Variants in TCERG1 observed in about 807,000 individuals in gnomAD.
TCERG1 encodes the protein TATA box binding protein (TBP)-associated factor, RNA polymerase II, S, 150kD.
A neutral mutation model predicts 144.7 loss-of-function variants in TCERG1; 37 were observed. The observed-to-expected ratio is 0.26, with a 90% CI of 0.20 to 0.34. TCERG1 has a LOEUF of 0.34. TCERG1 is among the 10% of genes least tolerant of loss of function. The pLI is 1.00. For synonymous variants in TCERG1, 492 were observed against 458.2 expected (o/e 1.07, Z -0.94); for missense variants, 1,027 against 1,380.7 (o/e 0.74, Z 4.06).
chr5:146,469,556 G>T lies in TCERG1; in HGVS notation c.1211G>T (p.Gly404Val). The T allele has an allele frequency of 1.2e-6, 2 of 1,600,172 alleles. No homozygotes were observed. Among genetic ancestry groups the T allele is most frequent in the Non-Finnish European group, 8.5e-7 (1 of 1,174,958 alleles). ...VATTKTGVLP[G>V]MAPPIVPMIH... is the part of the protein sequence containing the mutation. ...ATTCTTTTTTTAGGTGTATTGCCAG[G>T]AATGGCCCCTCCTATCGTACCCATG... is the stretch of plus-strand genomic sequence containing the variant. Residue 404 changes from glycine (G) to valine (V), a missense_variant, in exon 7 of 23, where the codon GGA becomes GTA. Gly to Val is a moderately radical substitution (Grantham distance 109). Transcript: ENST00000679501.
At chr5:146,470,901 T>TA (rs1407929764) in intron 8 of TCERG1, among the ~76,000 whole-genome samples, 153 bp downstream of exon 8, 1 of 152,022 alleles carries the variant, frequency 6.6e-6, no homozygotes, top group Non-Finnish European at 1.5e-5. Context: ...ATTCAGTTTT[T>TA]TCTTTGAAAG....
At chr5:146,509,012 T>C in intron 21 of TCERG1, 133 bp from the exon 22 acceptor site, 1 of 510,346 alleles carries the variant, frequency 2.0e-6, no homozygotes, top group Non-Finnish European at 3.5e-6. Flanking sequence ...AAATGTACCC[T>C]GTTGCCTTTT....
intron 1 of TCERG1, among the ~76,000 whole-genome samples, chr5:146,454,474 C>CT (rs147070078): frequency 0.064 from 9,677 of 151,614 alleles, 428 homozygotes; most frequent in Non-Finnish European, 0.085. Context: ...TGGGTAAATA[C>CT]TTTAAGACCA....
chr5:146,454,037 C>CAAAAAAAA (rs56657111), intron 1 of TCERG1, among the ~76,000 whole-genome samples: 5 of 129,842 alleles, frequency 3.9e-5, no homozygotes, highest in African/African-American at 6.1e-5. Context: ...TACTCAAATA[C>CAAAAAAAA]AAAAAAAAAA....
At chr5:146,478,822 T>C (rs1195090384) in intron 10 of TCERG1, among the ~76,000 whole-genome samples, 169 bp downstream of exon 10, 1 of 152,164 alleles carries the variant, frequency 6.6e-6, no homozygotes, top group African/African-American at 2.4e-5. Context: ...ATTAAAAATA[T>C]GGAGAGAATT....
At chr5:146,449,971 C>T (rs1418567100) in intron 1 of TCERG1, among the ~76,000 whole-genome samples, 2 of 152,174 alleles carry the variant, frequency 1.3e-5, no homozygotes, top group African/African-American at 4.8e-5. Flanking sequence ...ATCATTTCCT[C>T]TGTAAAAATG....
chr5:146,454,207 A>AAAAAG (rs58688212), intron 1 of TCERG1, among the ~76,000 whole-genome samples: 30,376 of 149,532 alleles, frequency 0.2, 4,319 homozygotes, highest in East Asian at 0.83. Context: ...CTCAAAAAAA[A>AAAAAG]AAAAGAAAAG....
At chr5:146,506,754 A>C (rs1043464589) in intron 19 of TCERG1, among the ~76,000 whole-genome samples, 5 of 152,130 alleles carry the variant, frequency 3.3e-5, no homozygotes, top group African/African-American at 1.2e-4. Context: ...GAGACTATGC[A>C]GTATTTGTGT....
At position 146,503,350 on chromosome 5, in the gene TCERG1, TCCCAC is replaced by T. The variant is rs1767655823; in HGVS notation, c.2434-24_2434-20del. 6.2e-7 allele frequency: 1 copy of T among 1,603,500 alleles called. No individual in the cohort carries two copies. Among genetic ancestry groups the T allele is most frequent in the Admixed American group, 1.7e-5 (1 of 59,232 alleles). ...TCATGGTACATTATTTTCCCTCCCA[TCCCAC>T]TACCTGTTTTAAAATACAGATTAAA... On this transcript the variant is annotated intron_variant, in intron 17 of 22. Coordinates refer to ENST00000679501, the MANE Select transcript of TCERG1 (RefSeq NM_001382548.1).
At chr5:146,456,638 T>C (rs189430280) in intron 2 of TCERG1, among the ~76,000 whole-genome samples, 4 of 152,328 alleles carry the variant, frequency 2.6e-5, no homozygotes, top group Non-Finnish European at 5.9e-5. Flanking sequence ...CTTCACACTA[T>C]TAGCATAGTT....
At chr5:146,482,872 C>A in intron 14 of TCERG1, 145 bp downstream of exon 14, 1 of 1,151,714 alleles carries the variant, frequency 8.7e-7, no homozygotes, top group Non-Finnish European at 1.2e-6. Flanking sequence ...TTTTTTGCAA[C>A]AGCCTTTTTC....
chr5:146,463,581 C>G lies in TCERG1; in HGVS notation c.923C>G (p.Ser308Cys). Residue 308 changes from serine to cysteine, a missense_variant, in exon 5 of 23, where the codon TCT (serine) becomes TGT (cysteine). Ser to Cys is a moderately radical substitution (Grantham distance 112). This residue lies in a region of TCERG1 where 187 missense variants were observed against 169.1 expected (regional missense o/e 1.11). Coordinates refer to ENST00000679501, the MANE Select transcript of TCERG1 (RefSeq NM_001382548.1). ...ACAACACAAGATCAGACCCCAAGTT[C>G]TGCTGTTTCAGTTGCCACGCCTACA... The part of the protein sequence containing the change: ...TPTTQDQTPS[S>C]AVSVATPTVS... 1 of 1,614,184 alleles carries G rather than the reference C, an allele frequency of 6.2e-7. No homozygotes were observed. The highest frequency in any genetic ancestry group is 8.5e-7 in the Non-Finnish European group (1 of 1,180,022).
rs921731235 is a variant in TCERG1 at position 146,469,652 on chromosome 5, C to T, written c.1307C>T (p.Thr436Ile). The change falls in exon 7 of 23, where the codon ACT (threonine) becomes ATT (isoleucine). Residue 436 changes from threonine (T) to isoleucine (I), a missense_variant. This residue lies in a region of TCERG1 where 482 missense variants were observed against 632.6 expected (regional missense o/e 0.76). Coordinates refer to ENST00000679501, the MANE Select transcript of TCERG1 (RefSeq NM_001382548.1). Reference sequence around the variant, plus strand: ...GGAGCAACAGCAGTTTCTGAATGGACTGAATATAAAACAGCAGATGGGAAG... The same window carrying T: ...GGAGCAACAGCAGTTTCTGAATGGATTGAATATAAAACAGCAGATGGGAAG... ...LAGATAVSEW[T>I]EYKTADGKTY... 6.2e-7 allele frequency: 1 copy of T among 1,613,256 alleles called. No individual in the cohort carries two copies. Among genetic ancestry groups the T allele is most frequent in the Non-Finnish European group, 8.5e-7 (1 of 1,179,588 alleles).
At chr5:146,480,976 TA>T (rs143085828) in intron 12 of TCERG1, among the ~76,000 whole-genome samples, 173 bp from the exon 13 acceptor site, 24 of 148,440 alleles carry the variant, frequency 1.6e-4, no homozygotes, top group African/African-American at 3.9e-4. Context: ...GCTTTTTTTT[TA>T]AAAAAAAAAA....
chr5:146,487,179 AAAAG>A (rs1230765426), intron 15 of TCERG1, among the ~76,000 whole-genome samples: 1 of 152,218 alleles, frequency 6.6e-6, no homozygotes, highest in Non-Finnish European at 1.5e-5. Flanking sequence ...AACTAGCTGA[AAAAG>A]AAATCAAGAA....
At chr5:146,508,905 A>G (rs1327676801) in intron 21 of TCERG1, among the ~76,000 whole-genome samples, 1 of 152,238 alleles carries the variant, frequency 6.6e-6, no homozygotes, top group African/African-American at 2.4e-5. Flanking sequence ...CAAGTTCTCA[A>G]GTTTTAGCCA....
At chr5:146,491,240 C>T (rs918957542) in intron 15 of TCERG1, among the ~76,000 whole-genome samples, 2 of 151,852 alleles carry the variant, frequency 1.3e-5, no homozygotes, top group Non-Finnish European at 2.9e-5. Flanking sequence ...TCCTGCCTTG[C>T]CCTCCCAGAG....
At chr5:146,482,871 A>G in intron 14 of TCERG1, 144 bp downstream of exon 14, 1 of 1,182,246 alleles carries the variant, frequency 8.5e-7, no homozygotes, top group Non-Finnish European at 1.1e-6. Context: ...ATTTTTTGCA[A>G]CAGCCTTTTT....
intron 22 of TCERG1, 143 bp from the exon 23 acceptor site, chr5:146,510,298 C>A: frequency 1.4e-6 from 1 of 732,648 alleles, no homozygotes; most frequent in Non-Finnish European, 2.1e-6. Flanking sequence ...CAAAGGTGAC[C>A]ACTGCCGTGA....
Sources: allele counts gnomAD v4.1 joint callset (sites outside exome capture counted in the v4.1 genomes callset), GRCh38; gene constraint gnomAD v4.1.1; regional missense constraint gnomAD v4.1.1; transcripts MANE v1.5; gene names NCBI Gene and HGNC (gene_info 2026-07-23, HGNC 2026-07-21).